SMAD1: variants seen among roughly 807,000 people sequenced by gnomAD.
SMAD1 encodes MAD, mothers against decapentaplegic homolog 1.
Under a neutral mutation model 41.6 loss-of-function variants are expected in SMAD1, and 6 were observed. The ratio of observed to expected loss-of-function variants is 0.14; its 90% CI spans 0.08 to 0.28. The LOEUF is 0.28. SMAD1 is among the 10% of genes least tolerant of loss of function. The pLI, the probability that SMAD1 is intolerant of heterozygous loss-of-function variation, is 1.00. For missense variants in SMAD1, 379 were observed against 582.6 expected (o/e 0.65, Z 3.60); for synonymous variants, 206 against 203.2 (o/e 1.01, Z -0.12).
intron 1 of SMAD1, among the ~76,000 whole-genome samples, chr4:145,491,949 C>T (rs1263027158): frequency 6.6e-5 from 10 of 151,818 alleles, no homozygotes; most frequent in Non-Finnish European, 1.2e-4. Context: ...TTGAGATGGA[C>T]GAGTTTATGA....
rs546845656 is a variant in SMAD1 at position 145,542,971 on chromosome 4, AT to A, written c.775+283del. On this transcript the variant is annotated intron_variant, in intron 4 of 6. Coordinates refer to ENST00000302085, the MANE Select transcript of SMAD1 (RefSeq NM_005900.3). ...TAATAATTTTTAACTGATGATGAAAATTTTTTTTTTGTTTTTTTTTGAGACG... is the reference window on the plus strand; with the variant it reads ...TAATAATTTTTAACTGATGATGAAAATTTTTTTTTGTTTTTTTTTGAGACG... 1.5e-3 allele frequency among the ~76,000 whole-genome samples: 223 copies of A among 149,778 alleles called. 2 individuals are homozygous for A. The highest frequency in any genetic ancestry group is 0.01 in the Middle Eastern group (3 of 290).
At chr4:145,523,753 C>CT (rs1409193405) in intron 2 of SMAD1, among the ~76,000 whole-genome samples, 1 of 152,104 alleles carries the variant, frequency 6.6e-6, no homozygotes, top group Non-Finnish European at 1.5e-5. Context: ...GGGTTCCGGG[C>CT]AGAGCCACTG....
At chr4:145,488,696 C>A (rs538117664) in intron 1 of SMAD1, among the ~76,000 whole-genome samples, 2 of 152,042 alleles carry the variant, frequency 1.3e-5, no homozygotes, top group Non-Finnish European at 2.9e-5. Context: ...GGAAAAGAAA[C>A]GTATCTTTTT....
intron 2 of SMAD1, among the ~76,000 whole-genome samples, chr4:145,535,470 T>A (rs1441073589): frequency 6.6e-6 from 1 of 152,228 alleles, no homozygotes; most frequent in African/African-American, 2.4e-5. Context: ...ACCTTTGGTG[T>A]TGTTATCTGT....
At chr4:145,528,907 T>C (rs1731175604) in intron 2 of SMAD1, among the ~76,000 whole-genome samples, 1 of 152,198 alleles carries the variant, frequency 6.6e-6, no homozygotes, top group Admixed American at 6.5e-5. Flanking sequence ...CTCTATCTCA[T>C]TCTCTATATC....
intron 2 of SMAD1, among the ~76,000 whole-genome samples, chr4:145,529,069 C>A (rs1200671026): frequency 6.6e-6 from 1 of 152,130 alleles, no homozygotes; most frequent in Non-Finnish European, 1.5e-5. Context: ...CTGAGAAGTA[C>A]TATTATTCCT....
intron 1 of SMAD1, chr4:145,484,729 C>T (rs998740845): frequency 4.6e-5 from 7 of 152,064 alleles, no homozygotes; most frequent in Admixed American, 2.0e-4. Flanking sequence ...CTGATAAGGA[C>T]CTTTGCAGCT....
chr4:145,511,244 C>A (rs1418995797), intron 1 of SMAD1, among the ~76,000 whole-genome samples: 1 of 151,862 alleles, frequency 6.6e-6, no homozygotes, highest in Non-Finnish European at 1.5e-5. Flanking sequence ...CATCTGTTGT[C>A]TCCTTTTCAT....
intron 6 of SMAD1, among the ~76,000 whole-genome samples, chr4:145,555,418 A>T (rs1732782886): frequency 6.6e-6 from 1 of 152,140 alleles, no homozygotes; most frequent in African/African-American, 2.4e-5. Context: ...TAACTGTGTG[A>T]TTAAGGCACA....
chr4:145,491,459 T>C (rs532729117), intron 1 of SMAD1, among the ~76,000 whole-genome samples: 1 of 152,326 alleles, frequency 6.6e-6, no homozygotes, highest in South Asian at 2.1e-4. Context: ...TACAAACTAC[T>C]AATGAACACA....
chr4:145,555,740 C>A (rs913885312), intron 6 of SMAD1, among the ~76,000 whole-genome samples: 2 of 152,106 alleles, frequency 1.3e-5, no homozygotes, highest in African/African-American at 4.8e-5. Flanking sequence ...AGATTTCATT[C>A]ATTCAGCAGA....
chr4:145,497,138 A>C (rs1165336854), intron 1 of SMAD1: 1 of 152,234 alleles, frequency 6.6e-6, no homozygotes, highest in Non-Finnish European at 1.5e-5. Context: ...AATGATTAAA[A>C]GCTTTGATGA....
intron 1 of SMAD1, among the ~76,000 whole-genome samples, chr4:145,492,124 C>T (rs1728800774): frequency 6.6e-6 from 1 of 152,172 alleles, no homozygotes; most frequent in African/African-American, 2.4e-5. Flanking sequence ...TTTCCCTCTG[C>T]TCTCACACTA....
At chr4:145,540,829 C>T (rs1033766392) in intron 3 of SMAD1, among the ~76,000 whole-genome samples, 9 of 150,716 alleles carry the variant, frequency 6.0e-5, no homozygotes, top group East Asian at 1.9e-4. Context: ...TTAATGTTTT[C>T]GGAAGGGAAA....
intron 2 of SMAD1, among the ~76,000 whole-genome samples, chr4:145,515,233 G>A (rs1018585468): frequency 1.3e-5 from 2 of 150,906 alleles, no homozygotes; most frequent in Admixed American, 6.6e-5. Context: ...TAACAGCTTA[G>A]TCATCTCTAG....
At chr4:145,546,631 C>A in intron 4 of SMAD1, 72 bp from the exon 5 acceptor site, 1 of 1,067,626 alleles carries the variant, frequency 9.4e-7, no homozygotes, top group Non-Finnish European at 1.5e-6. Context: ...TGAGCCAATT[C>A]AACAACACGG....
chr4:145,558,870 T>A lies in SMAD1; in HGVS notation c.*936T>A, dbSNP rs1486144222. 6.6e-6 allele frequency among the ~76,000 whole-genome samples: 1 copy of A among 152,156 alleles called. No individual in the cohort carries two copies. The highest frequency in any genetic ancestry group is 1.5e-5 in the Non-Finnish European group (1 of 68,028). ...ATGTTTCAATACCAGTTATATGGAG[T>A]GCTTGAATTTAATAAGCAGTTTTTA... On this transcript the variant is annotated 3_prime_UTR_variant, in exon 7 of 7. Coordinates refer to ENST00000302085, the MANE Select transcript of SMAD1 (RefSeq NM_005900.3).
At chr4:145,523,102 G>A (rs1730841132) in intron 2 of SMAD1, among the ~76,000 whole-genome samples, 1 of 152,138 alleles carries the variant, frequency 6.6e-6, no homozygotes, top group Non-Finnish European at 1.5e-5. Flanking sequence ...TTAAAATAAG[G>A]CATTATGCCG....
At chr4:145,497,752 C>T (rs900975649) in intron 1 of SMAD1, 6 of 152,190 alleles carry the variant, frequency 3.9e-5, no homozygotes, top group African/African-American at 1.4e-4. Flanking sequence ...CAGGGCTCAC[C>T]TAATTCTATA....
Sources: gnomAD v4.1 joint callset for allele counts (sites outside exome capture counted in the v4.1 genomes callset) on GRCh38, gnomAD v4.1.1 for gene constraint, MANE v1.5 for transcripts, NCBI Gene and HGNC (gene_info 2026-07-23, HGNC 2026-07-21) for gene names.